Variants in PHACTR2 observed in about 807,000 individuals in gnomAD.
PHACTR2 encodes the protein chromosome 6 open reading frame 56.
PHACTR2 carries 30 observed loss-of-function variants against 76.0 expected under a neutral mutation model. The ratio of observed to expected loss-of-function variants is 0.39; its 90% CI spans 0.30 to 0.54. The LOEUF (loss-of-function observed/expected upper bound fraction) is 0.54. Ranked by LOEUF, PHACTR2 falls within the 20% of genes least tolerant of loss-of-function variation. The pLI is 0.61. For synonymous variants in PHACTR2, 292 were observed against 292.5 expected, an observed-to-expected ratio of 1.00 and a Z score of 0.02; for missense variants, 696 against 781.1, an observed-to-expected ratio of 0.89 and a Z score of 1.30.
upstream of PHACTR2, among the ~76,000 whole-genome samples, chr6:143,677,729 G>T (rs144552214): frequency 6.6e-6 from 1 of 152,260 alleles, no homozygotes; most frequent in East Asian, 1.9e-4. Flanking sequence ...TTTTCTTGTA[G>T]CCCGTAAGGA....
At chr6:143,600,818 A>AAACATTTCATTAGTCAAAT (rs1775807320) in intron 1 of PHACTR2, among the ~76,000 whole-genome samples, 1 of 152,266 alleles carries the variant, frequency 6.6e-6, no homozygotes, top group Non-Finnish European at 1.5e-5. Flanking sequence ...CAGAAGCCTG[A>AAACATTTCATTAGTCAAAT]AGCTTTAAAA....
rs35107482 is a variant in PHACTR2, at chr6:143,626,536, C to CAAAAAAAAAAAAAAAAAAA, written c.13+18229_13+18230insAAAAAAAAAAAAAAAAAAA. Reference sequence around the variant, plus strand: ...TGGGCAGCAGAGCGAGACTCCGTCTCAAAAAAAAAAAAAAATTAGCACAAA... The same window carrying CAAAAAAAAAAAAAAAAAAA: ...TGGGCAGCAGAGCGAGACTCCGTCTCAAAAAAAAAAAAAAAAAAAAAAAAAAAAAAAAAATTAGCACAAA... On this transcript the variant is annotated intron_variant, in intron 1 of 11. Transcript: ENST00000305766. 1.6e-3 allele frequency among the ~76,000 whole-genome samples: 190 copies of CAAAAAAAAAAAAAAAAAAA among 122,226 alleles called. 6 individuals carry two copies. Among genetic ancestry groups the CAAAAAAAAAAAAAAAAAAA allele is most frequent in the African/African-American group, 5.9e-3 (180 of 30,416 alleles). The allele number at this position is 122,226 out of a possible 152,430, so 80.2% of individuals were successfully genotyped here. A position where few individuals can be genotyped will look rare whatever the true frequency, so the allele number is the denominator to read the frequency against.
At chr6:143,586,673 A>G (rs1775632907) in intron 1 of PHACTR2, among the ~76,000 whole-genome samples, 1 of 152,234 alleles carries the variant, frequency 6.6e-6, no homozygotes, top group Admixed American at 6.5e-5. Flanking sequence ...AAGGCGGTTT[A>G]TGCAGAAATT....
intron 4 of PHACTR2, among the ~76,000 whole-genome samples, chr6:143,759,269 T>C (rs1372321670): frequency 6.6e-6 from 1 of 152,238 alleles, no homozygotes; most frequent in Non-Finnish European, 1.5e-5. Flanking sequence ...TTAGCCTTTG[T>C]CTTTCCAAAA....
intron 1 of PHACTR2, among the ~76,000 whole-genome samples, chr6:143,586,144 A>T (rs964258364): frequency 2.6e-5 from 4 of 152,240 alleles, no homozygotes; most frequent in African/African-American, 9.6e-5. Flanking sequence ...TCTATTTGCC[A>T]TCGTGGAAAG....
Position 143,549,034 on chromosome 6 carries a change from A to T in PHACTR2, c.217+11827A>T, listed in dbSNP as rs921677138. Among the ~76,000 whole-genome samples the T allele has an allele frequency of 2.6e-5, 4 of 151,944 alleles. No homozygotes were observed. Among genetic ancestry groups the T allele is most frequent in the African/African-American group, 9.7e-5 (4 of 41,396 alleles). ...AGAGTACAGGGAAGAAGGCTTGGCC[A>T]TGAAGACAGGCATTCTCTCCCCCCG... On this transcript the variant is annotated intron_variant, in intron 1 of 11. Transcript: ENST00000367584. The surrounding 1 kb of genome is among the most constrained non-coding windows in gnomAD (Gnocchi z 4.2).
At chr6:143,726,817 T>C (rs751638198) in intron 2 of PHACTR2, among the ~76,000 whole-genome samples, 5 of 152,198 alleles carry the variant, frequency 3.3e-5, no homozygotes, top group South Asian at 2.1e-4. Flanking sequence ...AACTTTTTTA[T>C]TGATACATAA....
At chr6:143,716,786 G>T (rs762855245) in intron 2 of PHACTR2, among the ~76,000 whole-genome samples, 2 of 152,232 alleles carry the variant, frequency 1.3e-5, no homozygotes, top group Non-Finnish European at 2.9e-5. Flanking sequence ...TCCTAAGCCT[G>T]TGGTGCTGGA....
At position 143,749,003 on chromosome 6, in the gene PHACTR2, C is replaced by T. The variant is rs763446493; in HGVS notation, c.233C>T (p.Ser78Phe). The T allele has an allele frequency of 5.8e-5, 91 of 1,569,266 alleles. No individual in the cohort carries two copies. The highest frequency in any genetic ancestry group is 7.5e-5 in the Non-Finnish European group (85 of 1,139,942). The change falls in exon 3 of 13, where the codon TCC (serine) becomes TTC (phenylalanine). Residue 78 changes from serine to phenylalanine, a missense_variant. Physicochemically the swap from Ser to Phe is radical, Grantham distance 155. This residue lies in a region of PHACTR2 where 460 missense variants were observed against 450.9 expected (regional missense o/e 1.02). Transcript: ENST00000440869. ...ETSAVLERKI[S>F]TRQSREELIR... Reference sequence around the variant, plus strand: ...TTAAAAGTATTAGAAAGGAAGATATCCACACGACAAAGTAGAGAGGAGCTG... The same window carrying T: ...TTAAAAGTATTAGAAAGGAAGATATTCACACGACAAAGTAGAGAGGAGCTG...
chr6:143,678,454 T>C lies in PHACTR2; in HGVS notation c.46+245T>C, dbSNP rs1323304696. Among the ~76,000 whole-genome samples, 1 of 83,728 alleles carries C rather than the reference T, an allele frequency of 1.2e-5. No individual in the cohort carries two copies. The highest frequency in any genetic ancestry group is 2.3e-4 in the East Asian group (1 of 4,262). The allele number at this position is 83,728 out of a possible 152,430, so 54.9% of individuals were successfully genotyped here. On this transcript the variant is annotated intron_variant, in intron 1 of 12. Transcript: ENST00000440869. The surrounding 1 kb of genome is among the most constrained non-coding windows in gnomAD (Gnocchi z 6.2). Reference sequence around the variant, plus strand: ...TTCTGTGCGCGATGCCTCGCTGTGGTTTTTTATCCAAATTATTTCGGAGCC... The same window carrying C: ...TTCTGTGCGCGATGCCTCGCTGTGGCTTTTTATCCAAATTATTTCGGAGCC...
rs1776013082 is a variant in PHACTR2 at position 143,803,892 on chromosome 6, G to T, written c.1846-3165G>T. On this transcript the variant is annotated intron_variant, in intron 11 of 12. Coordinates refer to ENST00000440869, the MANE Select transcript of PHACTR2 (RefSeq NM_001100164.2). The surrounding 1 kb of genome is among the most constrained non-coding windows in gnomAD (Gnocchi z 4.7). ...CAAACTTATCCTGAGGTAAACAACT[G>T]CAGCCGTTAGTGTTGCCAGGCAAAT... 6.6e-6 allele frequency among the ~76,000 whole-genome samples: 1 copy of T among 152,186 alleles called. No individual in the cohort carries two copies. The highest frequency in any genetic ancestry group is 1.5e-5 in the Non-Finnish European group (1 of 68,026).
intron 11 of PHACTR2, among the ~76,000 whole-genome samples, chr6:143,805,792 A>G (rs1218098668): frequency 6.6e-6 from 1 of 152,190 alleles, no homozygotes; most frequent in Non-Finnish European, 1.5e-5. Flanking sequence ...ATATCTGGGG[A>G]GAAGAGACAA....
intron 1 of PHACTR2, among the ~76,000 whole-genome samples, chr6:143,552,888 G>GAAAAAA (rs35606517): frequency 8.6e-6 from 1 of 116,648 alleles, no homozygotes; most frequent in Non-Finnish European, 1.7e-5. Flanking sequence ...ATCTCAAAAA[G>GAAAAAA]AAAAAAAAAA....
intron 1 of PHACTR2, among the ~76,000 whole-genome samples, chr6:143,694,625 T>C (rs1777728845): frequency 6.6e-6 from 1 of 152,208 alleles, no homozygotes; most frequent in Admixed American, 6.5e-5. Context: ...GGGTGACATG[T>C]CTCTTTTCAA....
chr6:143,582,820 T>C (rs892026872), intron 1 of PHACTR2, among the ~76,000 whole-genome samples: 7 of 152,162 alleles, frequency 4.6e-5, no homozygotes, highest in African/African-American at 1.2e-4. Flanking sequence ...TCTGTTTAAG[T>C]AGGTACGTGA....
chr6:143,689,878 C>T lies in PHACTR2; in HGVS notation c.46+11669C>T, dbSNP rs558312856. On this transcript the variant is annotated intron_variant, in intron 1 of 12. Transcript: ENST00000440869. This position sits in a 1 kb window ranked among gnomAD's most constrained non-coding sequence, Gnocchi z 4.4. ...CGGCTAATTTTTGTATTTTTAGTAG[C>T]GACAGGGTTTCGCCAGGCTGGTCTT... Among the ~76,000 whole-genome samples, 23 of 151,946 alleles carry T rather than the reference C, an allele frequency of 1.5e-4. No individual in the cohort carries two copies. Among genetic ancestry groups the T allele is most frequent in the African/African-American group, 4.1e-4 (17 of 41,468 alleles).
rs569621667 is a variant in PHACTR2, at chr6:143,671,098, T to A, written c.14-40918T>A. On this transcript the variant is annotated intron_variant, in intron 1 of 11. Coordinates refer to the PHACTR2 transcript ENST00000305766. The surrounding 1 kb of genome is among the most constrained non-coding windows in gnomAD (Gnocchi z 4.6). ...GAATGCGCCACCATGCCCAGCTAAT[T>A]TTTGTATTTTTAGTAGAGATGGGGT... Among the ~76,000 whole-genome samples, 4 of 152,016 alleles carry A rather than the reference T, an allele frequency of 2.6e-5. No homozygotes were observed. Among genetic ancestry groups the A allele is most frequent in the Non-Finnish European group, 1.5e-5 (1 of 67,954 alleles).
At chr6:143,650,554 C>CAA (rs2128446033) in intron 1 of PHACTR2, among the ~76,000 whole-genome samples, 1 of 152,274 alleles carries the variant, frequency 6.6e-6, no homozygotes, top group African/African-American at 2.4e-5. Context: ...TGATCTTCAA[C>CAA]AAACCTGACA....
At chr6:143,593,611 TCTATAGAAGTC>T (rs1354300826) in intron 1 of PHACTR2, among the ~76,000 whole-genome samples, 2 of 152,218 alleles carry the variant, frequency 1.3e-5, no homozygotes, top group South Asian at 2.1e-4. Flanking sequence ...CCTAATTTTA[TCTATAGAAGTC>T]CTATAGAAGT....
Sources: allele counts gnomAD v4.1 joint callset (sites outside exome capture counted in the v4.1 genomes callset), GRCh38; gene constraint gnomAD v4.1.1; regional missense constraint gnomAD v4.1.1; non-coding constraint Gnocchi (gnomAD v3.1); transcripts MANE v1.5; gene names NCBI Gene and HGNC (gene_info 2026-07-23, HGNC 2026-07-21).